The following SUPT3H variants were observed in gnomAD, a reference collection of about 807,000 sequenced individuals.
SUPT3H encodes the protein SPT3 homolog, SAGA and STAGA complex component.
Under a neutral mutation model 44.3 loss-of-function variants are expected in SUPT3H, and 44 were observed. That is an observed-to-expected ratio of 0.99 (90% confidence interval 0.78 to 1.28). The LOEUF (loss-of-function observed/expected upper bound fraction) is 1.28, where lower values mean the gene tolerates loss of function less well. Among genes scored for constraint, SUPT3H ranks in the 50% most tolerant of loss-of-function variants. SUPT3H has a pLI of 0.00. For synonymous variants in SUPT3H, 124 were observed against 125.6 expected, an observed-to-expected ratio of 0.99 and a Z score of 0.09; for missense variants, 380 against 387.1, an observed-to-expected ratio of 0.98 and a Z score of 0.15.
At chr6:45,151,260 A>AT (rs1562558810) in intron 2 of SUPT3H, among the ~76,000 whole-genome samples, 1 of 151,986 alleles carries the variant, frequency 6.6e-6, no homozygotes, top group Admixed American at 6.6e-5. Flanking sequence ...AAAAAGCTTT[A>AT]TTTTTTCATC....
At chr6:45,112,562 GTT>G (rs939107652) in intron 2 of SUPT3H, among the ~76,000 whole-genome samples, 1 of 152,136 alleles carries the variant, frequency 6.6e-6, no homozygotes, top group African/African-American at 2.4e-5. Context: ...GACTGATTAA[GTT>G]TCTAACAGAG....
intron 2 of SUPT3H, among the ~76,000 whole-genome samples, chr6:45,220,473 T>C (rs1458126117): frequency 6.6e-6 from 1 of 152,202 alleles, no homozygotes; most frequent in Admixed American, 6.5e-5. Flanking sequence ...TTATTCATAA[T>C]GATAGAAGAC....
chr6:45,003,737 G>A lies in SUPT3H; in HGVS notation c.420C>T (p.Phe140=). 1.2e-6 allele frequency: 2 copies of A among 1,613,830 alleles called. No homozygotes were observed. The highest frequency in any genetic ancestry group is 2.2e-5 in the East Asian group (1 of 44,836). Residue 140 remains phenylalanine (F), a synonymous_variant, in exon 6 of 11, where the codon TTC becomes TTT. Transcript: ENST00000371459. The stretch of plus-strand genomic sequence containing the variant: ...CTCCTGTCTGGTCAATAGAGTTGAG[G>A]AAGTCCTGAGCAATCTTTTGTCTTT... ...ANKRQKIAQD[F]LNSIDQTGEL... is the part of the protein sequence containing the mutation.
chr6:45,246,244 G>A (rs770185315), intron 2 of SUPT3H, among the ~76,000 whole-genome samples: 8 of 151,964 alleles, frequency 5.3e-5, no homozygotes, highest in South Asian at 2.1e-4. Context: ...TCTTGACAGC[G>A]TCCTTTGATG....
At chr6:44,925,035 G>A (rs969897640) in intron 10 of SUPT3H, among the ~76,000 whole-genome samples, 1 of 152,014 alleles carries the variant, frequency 6.6e-6, no homozygotes, top group African/African-American at 2.4e-5. Context: ...AAAACAATCT[G>A]CCATGCCACT....
chr6:45,210,458 G>A (rs528217341), intron 2 of SUPT3H, among the ~76,000 whole-genome samples: 1 of 152,230 alleles, frequency 6.6e-6, no homozygotes, highest in South Asian at 2.1e-4. Flanking sequence ...AGGCTAAGAG[G>A]CTCAAAAGAA....
chr6:45,199,422 A>T lies in SUPT3H; in HGVS notation c.102-93416T>A, dbSNP rs531891188. ...TCTGCAGCACCTTAAGTAATTTTAT[A>T]AAAAAAAGTATTTTTTGCATATTTC... On this transcript the variant is annotated intron_variant, in intron 2 of 10. Coordinates refer to ENST00000371459, the MANE Select transcript of SUPT3H (RefSeq NM_003599.4). 8.6e-5 allele frequency among the ~76,000 whole-genome samples: 13 copies of T among 151,166 alleles called. No individual in the cohort carries two copies. The South Asian group carries it at 1.2e-3, about 14-fold the overall frequency.
intron 2 of SUPT3H, among the ~76,000 whole-genome samples, chr6:45,284,370 G>A (rs1378634765): frequency 6.6e-6 from 1 of 152,022 alleles, no homozygotes; most frequent in Non-Finnish European, 1.5e-5. Flanking sequence ...AAGAAGAAGT[G>A]AGAGGAATCA....
chr6:45,158,298 A>ATATATATATATTTTTTTTTTTTT, intron 2 of SUPT3H, among the ~76,000 whole-genome samples: 2 of 99,694 alleles, frequency 2.0e-5, no homozygotes, highest in African/African-American at 1.0e-4. Flanking sequence ...ATATATATAT[A>ATATATATATATTTTTTTTTTTTT]TTTTTTTTTT....
At chr6:44,969,942 A>T (rs1165319090) in intron 6 of SUPT3H, among the ~76,000 whole-genome samples, 1 of 152,186 alleles carries the variant, frequency 6.6e-6, no homozygotes, top group African/African-American at 2.4e-5. Context: ...AAGGATTTAA[A>T]AGAAATTTTG....
At chr6:45,117,717 C>CA (rs1801040495) in intron 2 of SUPT3H, among the ~76,000 whole-genome samples, 1 of 152,032 alleles carries the variant, frequency 6.6e-6, no homozygotes, top group Admixed American at 6.6e-5. Context: ...GGAAATAATG[C>CA]AACTTGAAAA....
chr6:45,004,455 C>T (rs1782429593), intron 5 of SUPT3H, among the ~76,000 whole-genome samples: 1 of 151,892 alleles, frequency 6.6e-6, no homozygotes, highest in Non-Finnish European at 1.5e-5. Flanking sequence ...ACATTAACAA[C>T]TATATACATA....
rs746275240 is a variant in SUPT3H at position 45,328,757 on chromosome 6, A to G, written c.101+36444T>C. 67 of 1,612,192 alleles carry G rather than the reference A, an allele frequency of 4.2e-5. No individual in the cohort carries two copies. The highest frequency in any genetic ancestry group is 5.4e-5 in the Non-Finnish European group (64 of 1,178,700). ...ATCAAACAGCCTCTTCAGCACAGTG[A>G]CACCATGTCAGCAAAACTTCTTTTG... is the stretch of plus-strand genomic sequence containing the variant. On this transcript the variant is annotated intron_variant, in intron 2 of 10. Coordinates refer to ENST00000371459, the MANE Select transcript of SUPT3H (RefSeq NM_003599.4).
intron 6 of SUPT3H, among the ~76,000 whole-genome samples, chr6:44,993,933 A>G (rs963187711): frequency 6.6e-6 from 1 of 152,116 alleles, no homozygotes; most frequent in African/African-American, 2.4e-5. Flanking sequence ...CACTGAAGCT[A>G]ATTCAATGAC....
At chr6:45,262,325 C>G (rs1219778725) in intron 2 of SUPT3H, among the ~76,000 whole-genome samples, 1 of 151,692 alleles carries the variant, frequency 6.6e-6, no homozygotes. Context: ...CACAGACCAA[C>G]AGAACAGAAT....
chr6:44,944,762 C>CAAAAAAAAA (rs57506313), intron 9 of SUPT3H, among the ~76,000 whole-genome samples: 356 of 29,762 alleles, frequency 0.012, 48 homozygotes, highest in African/African-American at 0.024. Flanking sequence ...ACCCTCTCTC[C>CAAAAAAAAA]AAAAAAAAAA....
intron 10 of SUPT3H, chr6:44,899,428 C>A (rs909899137): frequency 6.6e-6 from 1 of 152,162 alleles, no homozygotes; most frequent in African/African-American, 2.4e-5. Flanking sequence ...TGGCTCATGC[C>A]TGTAATCCCA....
At position 45,003,566 on chromosome 6, in the gene SUPT3H, CA is replaced by C. The variant is rs550860897; in HGVS notation, c.504+86del. 1,724 of 1,455,252 alleles carry C rather than the reference CA, an allele frequency of 1.2e-3. 1 individual carries two copies. Among genetic ancestry groups the C allele is most frequent in the Non-Finnish European group, 1.4e-3 (1,535 of 1,081,662 alleles). 90.1% of individuals were successfully genotyped at this position (1,455,252 alleles called of 1,614,324 possible). A position where few individuals can be genotyped will look rare whatever the true frequency, so the allele number is the denominator to read the frequency against. On this transcript the variant is annotated intron_variant, in intron 6 of 10. Transcript: ENST00000371459. ...CCACTGACTTAGAGATTTCAGACAA[CA>C]TTTAAAGAACATGAGAATAGGACCA...
intron 10 of SUPT3H, among the ~76,000 whole-genome samples, chr6:44,851,254 T>C (rs1772837407): frequency 1.3e-5 from 2 of 152,156 alleles, no homozygotes; most frequent in African/African-American, 4.8e-5. Context: ...CAGAATAAAA[T>C]AACACCAATA....
Sources: gnomAD v4.1 joint callset for allele counts (sites outside exome capture counted in the v4.1 genomes callset) on GRCh38, gnomAD v4.1.1 for gene constraint, MANE v1.5 for transcripts, NCBI Gene and HGNC (gene_info 2026-07-23, HGNC 2026-07-21) for gene names.